Variants in ZNF678 observed in about 807,000 individuals in gnomAD.
ZNF678 encodes zinc finger protein 678, also known as hypothetical protein MGC42493.
Under a neutral mutation model 3.0 loss-of-function variants are expected in ZNF678, and 5 were observed. The observed-to-expected ratio is 1.69, with a 90% CI of 0.88 to 3.56. The LOEUF is 3.56. Among genes scored for constraint, ZNF678 ranks in the 30% most tolerant of loss-of-function variants. ZNF678 has a pLI of 0.00. For synonymous variants in ZNF678, 218 were observed against 199.6 expected, an observed-to-expected ratio of 1.09 and a Z score of -0.78; for missense variants, 593 against 605.0, an observed-to-expected ratio of 0.98 and a Z score of 0.21.
chr1:227,631,042 G>A (rs982987698), intron 1 of ZNF678, among the ~76,000 whole-genome samples: 1 of 152,076 alleles, frequency 6.6e-6, no homozygotes, highest in Admixed American at 6.5e-5. Context: ...GTGCTGCAGA[G>A]GAATATAAGT....
At chr1:227,592,912 G>T (rs568856551) in intron 1 of ZNF678, among the ~76,000 whole-genome samples, 41 of 152,318 alleles carry the variant, frequency 2.7e-4, no homozygotes, top group Non-Finnish European at 4.9e-4. Flanking sequence ...ATCCACTCGG[G>T]GATGAACAAG....
At chr1:227,570,819 A>G (rs1212383337) in intron 1 of ZNF678, among the ~76,000 whole-genome samples, 1 of 152,178 alleles carries the variant, frequency 6.6e-6, no homozygotes, top group Non-Finnish European at 1.5e-5. Flanking sequence ...TAAGAACAAC[A>G]TGGTAGAATT....
intron 1 of ZNF678, among the ~76,000 whole-genome samples, chr1:227,630,003 A>G (rs1658512060): frequency 6.6e-6 from 1 of 151,638 alleles, no homozygotes; most frequent in African/African-American, 2.4e-5. Context: ...TCTCTATTAT[A>G]AAAAACTGAG....
At chr1:227,621,331 G>A (rs987985846) in intron 1 of ZNF678, among the ~76,000 whole-genome samples, 1 of 152,178 alleles carries the variant, frequency 6.6e-6, no homozygotes, top group African/African-American at 2.4e-5. Context: ...CTATAACAAT[G>A]TAGGCATAAG....
chr1:227,609,983 T>A (rs1356731667), intron 1 of ZNF678, among the ~76,000 whole-genome samples: 1 of 152,174 alleles, frequency 6.6e-6, no homozygotes, highest in African/African-American at 2.4e-5. Flanking sequence ...TCTGCCCGCC[T>A]CCGCTTCCCA....
chr1:227,578,581 TAGTTCTGTCAC>T (rs1478071083), intron 1 of ZNF678, among the ~76,000 whole-genome samples: 1 of 152,252 alleles, frequency 6.6e-6, no homozygotes, highest in Non-Finnish European at 1.5e-5. Context: ...ATGGGTTTTT[TAGTTCTGTCAC>T]AGTTATGTTC....
At position 227,657,706 on chromosome 1, in the gene ZNF678, G is replaced by A; in HGVS notation, c.*1878G>A. The stretch of plus-strand genomic sequence containing the variant: ...CTAAACATAAGTGTTAGCTTTAAGA[G>A]AATTACAGAGCATGTAATTGTGTTT... On this transcript the variant is annotated 3_prime_UTR_variant, in exon 4 of 4. Coordinates refer to ENST00000343776, the MANE Select transcript of ZNF678 (RefSeq NM_001367909.1). 1 of 151,912 alleles carries A rather than the reference G, an allele frequency of 6.6e-6. No individual in the cohort carries two copies. Among genetic ancestry groups the A allele is most frequent in the Middle Eastern group, 3.2e-3 (1 of 316 alleles). 9.4% of individuals were successfully genotyped at this position (151,912 alleles called of 1,614,324 possible).
chr1:227,660,330 CAT>C lies in ZNF678; in HGVS notation c.*4504_*4505del, dbSNP rs989746774. 6.6e-6 allele frequency: 1 copy of C among 151,048 alleles called. No individual in the cohort carries two copies. The allele number at this position is 151,048 out of a possible 1,614,324, so 9.4% of individuals were successfully genotyped here. A position where few individuals can be genotyped will look rare whatever the true frequency, so the allele number is the denominator to read the frequency against. ...TAAATATATACATCATTTTGTGTAA[CAT>C]AGACTTTTTAGCAATATTAATTTGG... On this transcript the variant is annotated 3_prime_UTR_variant, in exon 4 of 4. Coordinates refer to ENST00000343776, the MANE Select transcript of ZNF678 (RefSeq NM_001367909.1).
At position 227,657,397 on chromosome 1, in the gene ZNF678, C is replaced by G. The variant is rs571902065; in HGVS notation, c.*1569C>G. On this transcript the variant is annotated 3_prime_UTR_variant, in exon 4 of 4. Transcript: ENST00000343776. Reference sequence around the variant, plus strand: ...ATTAATTTGCCAGTGTTAAGTATTCCCTTCTAGCAGCACAAAATGGACTAA... The same window carrying G: ...ATTAATTTGCCAGTGTTAAGTATTCGCTTCTAGCAGCACAAAATGGACTAA... 6.6e-6 allele frequency: 1 copy of G among 151,924 alleles called. No homozygotes were observed. The highest frequency in any genetic ancestry group is 2.4e-5 in the African/African-American group (1 of 41,498). The allele number at this position is 151,924 out of a possible 1,614,324, so 9.4% of individuals were successfully genotyped here.
chr1:227,577,264 C>A (rs1657009749), intron 1 of ZNF678, among the ~76,000 whole-genome samples: 1 of 152,064 alleles, frequency 6.6e-6, no homozygotes, highest in South Asian at 2.1e-4. Context: ...TCCATGTGAT[C>A]CAGTGCTGAG....
At chr1:227,675,717 G>T (rs1216009339) in intron 5 of ZNF678, among the ~76,000 whole-genome samples, 2 of 151,982 alleles carry the variant, frequency 1.3e-5, no homozygotes, top group Non-Finnish European at 1.5e-5. Flanking sequence ...CATATCCTGG[G>T]GGGGTGGGGA....
intron 1 of ZNF678, among the ~76,000 whole-genome samples, chr1:227,612,983 A>G (rs1328018184): frequency 6.6e-6 from 1 of 152,034 alleles, no homozygotes; most frequent in East Asian, 1.9e-4. Context: ...CAGGGTGTCC[A>G]TTTTTCACCT....
chr1:227,630,704 A>G (rs1658526860), intron 1 of ZNF678, among the ~76,000 whole-genome samples: 6 of 152,126 alleles, frequency 3.9e-5, no homozygotes, highest in Admixed American at 3.9e-4. Context: ...ATAATCAGGG[A>G]ATACTGGCAC....
chr1:227,613,019 G>A (rs1658057906), intron 1 of ZNF678, among the ~76,000 whole-genome samples: 1 of 152,132 alleles, frequency 6.6e-6, no homozygotes, highest in African/African-American at 2.4e-5. Context: ...TGGGCACTGG[G>A]GAATGGCATT....
At chr1:227,582,555 CT>C in intron 1 of ZNF678, 1 of 237,882 alleles carries the variant, frequency 4.2e-6, no homozygotes, top group South Asian at 4.5e-5. Context: ...TCTTGAACTC[CT>C]TCCCTCAAGT....
intron 1 of ZNF678, among the ~76,000 whole-genome samples, chr1:227,596,887 GA>G (rs1011658576): frequency 6.6e-6 from 1 of 152,042 alleles, no homozygotes; most frequent in Non-Finnish European, 1.5e-5. Flanking sequence ...AATGAAAAAA[GA>G]AAATTATAAA....
chr1:227,591,475 C>G (rs1049975578), intron 1 of ZNF678, among the ~76,000 whole-genome samples: 1 of 152,174 alleles, frequency 6.6e-6, no homozygotes, highest in African/African-American at 2.4e-5. Flanking sequence ...CATATAGCCT[C>G]TTTCCTAATT....
chr1:227,668,768 C>T (rs1035791141), intron 5 of ZNF678, among the ~76,000 whole-genome samples: 4 of 152,144 alleles, frequency 2.6e-5, no homozygotes, highest in Admixed American at 6.5e-5. Context: ...TATTTGTATT[C>T]TTCTGCATAT....
At chr1:227,571,453 G>A (rs1022438550) in intron 1 of ZNF678, among the ~76,000 whole-genome samples, 2 of 152,048 alleles carry the variant, frequency 1.3e-5, no homozygotes, top group African/African-American at 4.8e-5. Context: ...TGTATTCTTG[G>A]TTTTACCTAA....
Sources: gnomAD v4.1 joint callset for allele counts (sites outside exome capture counted in the v4.1 genomes callset) on GRCh38, gnomAD v4.1.1 for gene constraint, MANE v1.5 for transcripts, NCBI Gene and HGNC (gene_info 2026-07-23, HGNC 2026-07-21) for gene names.